The following MYO18B variants were observed in gnomAD, a reference collection of about 807,000 sequenced individuals.
MYO18B encodes unconventional myosin-XVIIIb.
Under a neutral mutation model 273.0 loss-of-function variants are expected in MYO18B, and 204 were observed. That is an observed-to-expected ratio of 0.75 (90% confidence interval 0.67 to 0.84). MYO18B has a LOEUF of 0.84. MYO18B is among the 40% of genes least tolerant of loss of function. The pLI, the probability that MYO18B is intolerant of heterozygous loss-of-function variation, is 0.00. For missense variants in MYO18B, 3,212 were observed against 3,287.6 expected (o/e 0.98, Z 0.56); for synonymous variants, 1,330 against 1,305.7 (o/e 1.02, Z -0.40).
At chr22:25,760,546 A>G (rs1259086701) in intron 1 of MYO18B, among the ~76,000 whole-genome samples, 1 of 152,074 alleles carries the variant, frequency 6.6e-6, no homozygotes, top group East Asian at 1.9e-4. Context: ...GCTTTTCCTA[A>G]GCACCAGAAG....
At chr22:25,987,525 G>A (rs1294667973) in intron 39 of MYO18B, among the ~76,000 whole-genome samples, 1 of 152,188 alleles carries the variant, frequency 6.6e-6, no homozygotes, top group African/African-American at 2.4e-5. Flanking sequence ...GCATTAGAAT[G>A]TATAATTTAT....
At chr22:25,952,154 A>G (rs946225545) in intron 37 of MYO18B, 132 bp from the exon 38 acceptor site, 3 of 1,014,008 alleles carry the variant, frequency 3.0e-6, no homozygotes, top group African/African-American at 3.2e-5. Flanking sequence ...GACATTTAAC[A>G]TGCAGCACAC....
At chr22:25,863,083 T>G (rs76079548) in intron 21 of MYO18B, among the ~76,000 whole-genome samples, 25 of 152,326 alleles carry the variant, frequency 1.6e-4, no homozygotes, top group East Asian at 7.7e-4. Context: ...ATTTGACATC[T>G]CAGATCTGTT....
chr22:25,928,247 G>A (rs2146484608), intron 34 of MYO18B, among the ~76,000 whole-genome samples: 1 of 152,092 alleles, frequency 6.6e-6, no homozygotes, highest in Non-Finnish European at 1.5e-5. Flanking sequence ...ACTGAGCAGA[G>A]GAAGGTGTGG....
chr22:25,888,461 T>C (rs1183608985), intron 25 of MYO18B, among the ~76,000 whole-genome samples: 1 of 152,166 alleles, frequency 6.6e-6, no homozygotes, highest in African/African-American at 2.4e-5. Flanking sequence ...AGGGTCTTGC[T>C]ATGTTGCCCA....
At position 25,839,284 on chromosome 22, in the gene MYO18B, A is replaced by G. The variant is rs116892389; in HGVS notation, c.3208+3841A>G. ...TGCATGTGTGTATATGTGTGTGTGT[A>G]TATATATTTTCATGGAGGAAGGTGC... is the stretch of plus-strand genomic sequence containing the variant. On this transcript the variant is annotated intron_variant, in intron 17 of 43. Transcript: ENST00000335473. 2.7e-4 allele frequency among the ~76,000 whole-genome samples: 41 copies of G among 152,098 alleles called. No individual in the cohort carries two copies. In the East Asian group the frequency reaches 7.9e-3, roughly 29 times the overall value.
chr22:26,003,371 C>T (rs1489110247), intron 41 of MYO18B, 62 bp downstream of exon 41: 3 of 1,448,900 alleles, frequency 2.1e-6, no homozygotes, highest in African/African-American at 2.8e-5. Context: ...TCTCTCTGTC[C>T]AGTTTGCAGA....
the MYO18B span, among the ~76,000 whole-genome samples, chr22:26,062,578 A>G: frequency 2.6e-5 from 4 of 152,290 alleles, 1 homozygote; most frequent in Admixed American, 2.6e-4. Context: ...TAGTTACATG[A>G]GCTAATAAAT....
chr22:26,014,695 G>C (rs6004893), intron 42 of MYO18B, among the ~76,000 whole-genome samples: 53,447 of 151,936 alleles, frequency 0.35, 10,211 homozygotes, highest in African/African-American at 0.51. Flanking sequence ...ATAAGCATTC[G>C]TTTTTCTCTG....
the MYO18B span, among the ~76,000 whole-genome samples, chr22:26,040,803 G>T: frequency 6.6e-6 from 1 of 152,152 alleles, no homozygotes; most frequent in Admixed American, 6.5e-5. Flanking sequence ...TAGGGTGATC[G>T]AGTGGGTGAG....
intron 22 of MYO18B, among the ~76,000 whole-genome samples, chr22:25,872,082 A>G (rs2091063042): frequency 2.0e-5 from 3 of 152,100 alleles, no homozygotes; most frequent in Admixed American, 6.5e-5. Context: ...CTTTATTTCA[A>G]TGAGACTAAT....
At chr22:26,055,143 G>A in the MYO18B span, among the ~76,000 whole-genome samples, 2 of 152,126 alleles carry the variant, frequency 1.3e-5, no homozygotes, top group African/African-American at 4.8e-5. Context: ...AAAGCTGAGA[G>A]GTAAGCATTG....
At chr22:25,886,075 G>T (rs531033788) in intron 25 of MYO18B, among the ~76,000 whole-genome samples, 1 of 152,192 alleles carries the variant, frequency 6.6e-6, no homozygotes, top group Non-Finnish European at 1.5e-5. Flanking sequence ...GGTGTCCTTC[G>T]GTGAGCGTTT....
rs370820036 is a variant in MYO18B, at chr22:25,997,551, C to G, written c.6287+5058C>G. Reference sequence around the variant, plus strand: ...CTTAGAACTTGGATTTGAGTGGAAACACAGTGTAGACTTCAGTAATATCAT... The same window carrying G: ...CTTAGAACTTGGATTTGAGTGGAAAGACAGTGTAGACTTCAGTAATATCAT... On this transcript the variant is annotated intron_variant, in intron 40 of 43. Coordinates refer to ENST00000335473, the MANE Select transcript of MYO18B (RefSeq NM_032608.7). 8.3e-4 allele frequency among the ~76,000 whole-genome samples: 126 copies of G among 152,162 alleles called. 2 individuals carry two copies. The highest frequency in any genetic ancestry group is 3.0e-3 in the African/African-American group (125 of 41,484).
chr22:25,837,567 G>T (rs1308104444), intron 17 of MYO18B, among the ~76,000 whole-genome samples: 1 of 152,218 alleles, frequency 6.6e-6, no homozygotes, highest in Non-Finnish European at 1.5e-5. Context: ...ATTGGGAGAA[G>T]AGCCAACCAT....
rs2086590645 is a variant in MYO18B, at chr22:25,768,480, A to C, written c.564A>C (p.Gly188=). 2 of 1,528,596 alleles carry C rather than the reference A, an allele frequency of 1.3e-6. No homozygotes were observed. Among genetic ancestry groups the C allele is most frequent in the Non-Finnish European group, 1.8e-6 (2 of 1,121,280 alleles). 94.7% of individuals were successfully genotyped at this position (1,528,596 alleles called of 1,614,324 possible). The change falls in exon 4 of 44, where the codon GGA becomes GGC. Residue 188 remains glycine (G), a synonymous_variant. Transcript: ENST00000335473. ...CCTCTCCCCCCGCCACAGATACTGG[A>C]AAGGAAAAGAAAGGGGAGACCTCTA... ...CKTSPPATDT[G]KEKKGETSRT... is the part of the protein sequence containing the mutation.
intron 28 of MYO18B, chr22:25,896,540 C>T (rs1216046143): frequency 6.6e-6 from 1 of 152,154 alleles, no homozygotes; most frequent in East Asian, 1.9e-4. Context: ...GTGTCCTCTG[C>T]ATTTCTGATA....
intron 8 of MYO18B, among the ~76,000 whole-genome samples, chr22:25,778,004 G>T (rs1294525109): frequency 1.3e-5 from 2 of 152,180 alleles, no homozygotes; most frequent in Non-Finnish European, 2.9e-5. Flanking sequence ...ACGGCCGTTT[G>T]CAGAACAATC....
In MYO18B at chr22:25,768,461, C is replaced by G; in HGVS notation, c.545C>G (p.Pro182Arg). 6.6e-7 allele frequency: 1 copy of G among 1,523,778 alleles called. No individual in the cohort carries two copies. Among genetic ancestry groups the G allele is most frequent in the African/African-American group, 1.4e-5 (1 of 72,546 alleles). The allele number at this position is 1,523,778 out of a possible 1,614,324, so 94.4% of individuals were successfully genotyped here. ...PHDAPPCKTS[P>R]PATDTGKEKK... ...GACGCCCCCCCTTGCAAGACCTCTC[C>G]CCCCGCCACAGATACTGGAAAGGAA... is the stretch of plus-strand genomic sequence containing the variant. The change falls in exon 4 of 44, where the codon CCC (proline) becomes CGC (arginine). Residue 182 changes from proline to arginine, a missense_variant. Coordinates refer to ENST00000335473, the MANE Select transcript of MYO18B (RefSeq NM_032608.7).
Sources: allele counts gnomAD v4.1 joint callset (sites outside exome capture counted in the v4.1 genomes callset), GRCh38; gene constraint gnomAD v4.1.1; transcripts MANE v1.5; gene names NCBI Gene and HGNC (gene_info 2026-07-23, HGNC 2026-07-21).